COL23A1: variants seen among roughly 807,000 people sequenced by gnomAD.
COL23A1 encodes collagen alpha-1(XXIII) chain.
In COL23A1, 97 loss-of-function variants were observed where a neutral mutation model predicts 99.3. That is an observed-to-expected ratio of 0.98 (90% confidence interval 0.83 to 1.16). The LOEUF (loss-of-function observed/expected upper bound fraction) is 1.16. COL23A1 is among the 50% of genes most tolerant of loss of function. COL23A1 has a pLI of 0.00. For synonymous variants in COL23A1, 320 were observed against 308.2 expected, an observed-to-expected ratio of 1.04 and a Z score of -0.40; for missense variants, 762 against 757.4, an observed-to-expected ratio of 1.01 and a Z score of -0.07.
intron 2 of COL23A1, among the ~76,000 whole-genome samples, chr5:178,373,946 C>T (rs944516025): frequency 5.9e-5 from 9 of 152,132 alleles, no homozygotes; most frequent in South Asian, 2.1e-4. Context: ...AGGGCAGGCA[C>T]GAGTGGGGCC....
chr5:178,300,123 T>C (rs1453149008), intron 3 of COL23A1, among the ~76,000 whole-genome samples: 2 of 152,020 alleles, frequency 1.3e-5, no homozygotes, highest in Non-Finnish European at 2.9e-5. Context: ...TGGAGTGCAG[T>C]GGTGAGATCT....
intron 3 of COL23A1, among the ~76,000 whole-genome samples, chr5:178,298,952 T>G (rs1561838498): frequency 6.6e-6 from 1 of 152,262 alleles, no homozygotes; most frequent in Non-Finnish European, 1.5e-5. Context: ...TATCTCTTAT[T>G]CAATAATATG....
In COL23A1 at chr5:178,434,936, C is replaced by G. The variant is rs948326567; in HGVS notation, c.361+125746G>C. ...GGCAGCCCAGCCCCGACCCTGCCGC[C>G]GGTCAAGACTGTGTTTCCCAGGGGC... On this transcript the variant is annotated intron_variant, in intron 2 of 28. Coordinates refer to ENST00000390654, the MANE Select transcript of COL23A1 (RefSeq NM_173465.4). The surrounding 1 kb of genome is among the most constrained non-coding windows in gnomAD (Gnocchi z 4.3). Among the ~76,000 whole-genome samples the G allele has an allele frequency of 6.6e-6, 1 of 152,180 alleles. No homozygotes were observed. The highest frequency in any genetic ancestry group is 2.4e-5 in the African/African-American group (1 of 41,444).
intron 27 of COL23A1, among the ~76,000 whole-genome samples, chr5:178,241,604 G>A (rs1764404217): frequency 6.6e-6 from 1 of 152,160 alleles, no homozygotes; most frequent in South Asian, 2.1e-4. Context: ...CAGCGGCAGC[G>A]TGTCTGTGCT....
chr5:178,560,757 G>GA lies in COL23A1; in HGVS notation c.295-10dup, dbSNP rs749267629. 0.06 allele frequency: 56,564 copies of GA among 948,964 alleles called. 1 individual carries two copies. The highest frequency in any genetic ancestry group is 0.081 in the South Asian group (4,046 of 50,108). 58.8% of individuals were successfully genotyped at this position (948,964 alleles called of 1,614,324 possible). On this transcript the variant is annotated splice_polypyrimidine_tract_variant and intron_variant, in intron 1 of 28. Transcript: ENST00000390654. ...GCTAGTCCGTCCAACTTCTGAGCCGGAAAAAAAAAAAGAAAAAAAACGAGG... is the reference window on the plus strand; with the variant it reads ...GCTAGTCCGTCCAACTTCTGAGCCGGAAAAAAAAAAAAGAAAAAAAACGAGG...
At chr5:178,577,039 C>G (rs10064288) in intron 1 of COL23A1, among the ~76,000 whole-genome samples, 4,865 of 152,204 alleles carry the variant, frequency 0.032, 252 homozygotes, top group African/African-American at 0.11. Context: ...GGTACTGCTT[C>G]TGCCTGAGGA....
At chr5:178,423,108 A>T (rs1339118224) in intron 2 of COL23A1, among the ~76,000 whole-genome samples, 1 of 152,120 alleles carries the variant, frequency 6.6e-6, no homozygotes, top group Non-Finnish European at 1.5e-5. Flanking sequence ...CTGGGACCCC[A>T]GGCACACATC....
intron 2 of COL23A1, among the ~76,000 whole-genome samples, chr5:178,437,828 G>A (rs1766645072): frequency 6.6e-6 from 1 of 152,172 alleles, no homozygotes; most frequent in South Asian, 2.1e-4. Context: ...GTCCTGGAGG[G>A]TGCTTGTGGG....
intron 2 of COL23A1, among the ~76,000 whole-genome samples, chr5:178,490,486 T>C (rs973297271): frequency 1.3e-5 from 2 of 152,062 alleles, no homozygotes; most frequent in Non-Finnish European, 1.5e-5. Context: ...AGAGTTTCAG[T>C]TGCGGAAGAT....
intron 2 of COL23A1, among the ~76,000 whole-genome samples, chr5:178,374,992 G>A (rs1467052400): frequency 1.3e-5 from 2 of 152,140 alleles, no homozygotes; most frequent in Admixed American, 1.3e-4. Context: ...AGAAGCATAC[G>A]TATAACAGCC....
chr5:178,292,691 C>T (rs1261248748), intron 3 of COL23A1, among the ~76,000 whole-genome samples: 6 of 152,028 alleles, frequency 3.9e-5, no homozygotes, highest in Non-Finnish European at 5.9e-5. Context: ...AAGTGGTGGA[C>T]GTGGTTGGGT....
At chr5:178,485,579 C>A (rs913675377) in intron 2 of COL23A1, among the ~76,000 whole-genome samples, 1 of 152,056 alleles carries the variant, frequency 6.6e-6, no homozygotes, top group Admixed American at 6.6e-5. Context: ...TCGAGACCAG[C>A]CTGGCCAACA....
At chr5:178,405,701 C>T (rs1477322991) in intron 2 of COL23A1, among the ~76,000 whole-genome samples, 1 of 152,158 alleles carries the variant, frequency 6.6e-6, no homozygotes, top group Non-Finnish European at 1.5e-5. Flanking sequence ...ATGAAAAATA[C>T]AATTACTTAC....
At position 178,589,891 on chromosome 5, in the gene COL23A1, C is replaced by T; in HGVS notation, c.294+13G>A. 3.8e-6 allele frequency: 5 copies of T among 1,305,546 alleles called. No homozygotes were observed. The highest frequency in any genetic ancestry group is 4.8e-6 in the Non-Finnish European group (5 of 1,032,618). 80.9% of individuals were successfully genotyped at this position (1,305,546 alleles called of 1,614,324 possible). A position where few individuals can be genotyped will look rare whatever the true frequency, so the allele number is the denominator to read the frequency against. The stretch of plus-strand genomic sequence containing the variant: ...CACCCAAGTCCGCCCCAGCCACGCG[C>T]CAAGACGCTCACCTCCCGCAGCAGG... On this transcript the variant is annotated intron_variant, in intron 1 of 28. Transcript: ENST00000390654. This position sits in a 1 kb window ranked among gnomAD's most constrained non-coding sequence, Gnocchi z 5.4.
At chr5:178,408,722 A>G (rs1764886160) in intron 2 of COL23A1, among the ~76,000 whole-genome samples, 2 of 152,082 alleles carry the variant, frequency 1.3e-5, no homozygotes, top group African/African-American at 2.4e-5. Context: ...TGGGAGGCGG[A>G]GGCAGGCAGA....
intron 2 of COL23A1, among the ~76,000 whole-genome samples, chr5:178,349,529 T>G (rs1465564738): frequency 5.7e-5 from 1 of 17,576 alleles, no homozygotes; most frequent in Non-Finnish European, 1.4e-4. Flanking sequence ...TGGCCCTCCC[T>G]AGGCAGGGCC....
chr5:178,260,934 G>A (rs78769759), intron 11 of COL23A1, among the ~76,000 whole-genome samples: 3,102 of 152,238 alleles, frequency 0.02, 95 homozygotes, highest in African/African-American at 0.071. Context: ...ACACTTGTCC[G>A]AATCCAGAGT....
intron 2 of COL23A1, among the ~76,000 whole-genome samples, chr5:178,401,428 G>A (rs1036343545): frequency 2.0e-5 from 3 of 152,226 alleles, no homozygotes; most frequent in African/African-American, 7.2e-5. Flanking sequence ...CTATTTTTGA[G>A]TCTGGCTTCC....
At chr5:178,273,699 G>T (rs1396331323) in intron 5 of COL23A1, among the ~76,000 whole-genome samples, 2 of 152,216 alleles carry the variant, frequency 1.3e-5, no homozygotes, top group Non-Finnish European at 2.9e-5. Flanking sequence ...CCGACCCACA[G>T]CCAGGATGAC....
Sources: gnomAD v4.1 joint callset for allele counts (sites outside exome capture counted in the v4.1 genomes callset) on GRCh38, gnomAD v4.1.1 for gene constraint, Gnocchi (gnomAD v3.1) non-coding constraint, MANE v1.5 for transcripts, NCBI Gene and HGNC (gene_info 2026-07-23, HGNC 2026-07-21) for gene names.